Variants in PARM1 observed in about 807,000 individuals in gnomAD.
The protein encoded by PARM1 is WSC4, cell wall integrity and stress response component 4 homolog.
Under a neutral mutation model 24.6 loss-of-function variants are expected in PARM1, and 14 were observed. The observed-to-expected ratio is 0.57, with a 90% CI of 0.38 to 0.89. PARM1 has a LOEUF of 0.89. Among genes scored for constraint, PARM1 ranks in the 40% least tolerant of loss-of-function variants. The pLI, the probability that PARM1 is intolerant of heterozygous loss-of-function variation, is 0.00. For synonymous variants in PARM1, 179 were observed against 156.6 expected, an observed-to-expected ratio of 1.14 and a Z score of -1.07; for missense variants, 362 against 380.4, an observed-to-expected ratio of 0.95 and a Z score of 0.40.
rs540466346 is a variant in PARM1 at position 74,999,945 on chromosome 4, T to C, written c.44-12480T>C. ...TAAGGTGGAAAAACACAATCATATT[T>C]ATCTGGGTTTTTGTCTTTTTTTTTC... On this transcript the variant is annotated intron_variant, in intron 1 of 3. Coordinates refer to ENST00000307428, the MANE Select transcript of PARM1 (RefSeq NM_015393.4). 2.6e-5 allele frequency among the ~76,000 whole-genome samples: 4 copies of C among 152,266 alleles called. No homozygotes were observed. In the South Asian group the frequency reaches 8.3e-4, roughly 32 times the overall value.
intron 1 of PARM1, among the ~76,000 whole-genome samples, chr4:75,008,201 C>T (rs1722808733): frequency 6.6e-6 from 1 of 152,172 alleles, no homozygotes; most frequent in African/African-American, 2.4e-5. Flanking sequence ...AGATAACCAA[C>T]ATTGTCATAC....
At chr4:74,974,485 C>T (rs1722101322) in intron 1 of PARM1, among the ~76,000 whole-genome samples, 1 of 152,190 alleles carries the variant, frequency 6.6e-6, no homozygotes, top group South Asian at 2.1e-4. Flanking sequence ...CATTCAAGCT[C>T]AGGAGGCCTG....
intron 2 of PARM1, among the ~76,000 whole-genome samples, chr4:75,025,658 TGA>T (rs1723169501): frequency 6.6e-6 from 1 of 152,028 alleles, no homozygotes. Flanking sequence ...CGTGCCCCCA[TGA>T]GAGAGAAATG....
chr4:74,945,276 A>G (rs72860914), intron 1 of PARM1, among the ~76,000 whole-genome samples: 20,309 of 152,138 alleles, frequency 0.13, 1,832 homozygotes, highest in African/African-American at 0.25. Context: ...TCTCTCTTTC[A>G]TTGCCTGAAC....
intron 1 of PARM1, among the ~76,000 whole-genome samples, chr4:74,998,597 C>T (rs1046124348): frequency 7.9e-5 from 12 of 152,164 alleles, no homozygotes; most frequent in African/African-American, 2.9e-4. Flanking sequence ...ATGAGGAACA[C>T]TTTTTGCAGA....
intron 1 of PARM1, chr4:74,965,311 A>G (rs768012335): frequency 2.0e-5 from 3 of 152,198 alleles, no homozygotes; most frequent in Non-Finnish European, 2.9e-5. Context: ...CTTTTGCTGA[A>G]CTAGATGATG....
intron 1 of PARM1, chr4:74,998,970 G>T (rs1722627936): frequency 6.6e-6 from 1 of 152,272 alleles, no homozygotes; most frequent in African/African-American, 2.4e-5. Context: ...CCCAATCCTA[G>T]TTTTAAAAAT....
chr4:74,963,332 C>T (rs147107503), intron 1 of PARM1, among the ~76,000 whole-genome samples: 65 of 152,214 alleles, frequency 4.3e-4, no homozygotes, highest in African/African-American at 1.5e-3. Context: ...ATTCAACATA[C>T]GATTCAAACA....
chr4:74,981,156 A>G lies in PARM1; in HGVS notation c.44-31269A>G, dbSNP rs968434899. ...GAGCTTCTGCACAGCAAAAGAAACT[A>G]TCATCAGAATGAACAGACAACTTAC... On this transcript the variant is annotated intron_variant, in intron 1 of 3. Coordinates refer to ENST00000307428, the MANE Select transcript of PARM1 (RefSeq NM_015393.4). Among the ~76,000 whole-genome samples, 8 of 152,340 alleles carry G rather than the reference A, an allele frequency of 5.3e-5. No individual in the cohort carries two copies. In the East Asian group the frequency reaches 7.7e-4, roughly 15 times the overall value.
intron 1 of PARM1, among the ~76,000 whole-genome samples, chr4:74,943,345 A>T (rs555248689): frequency 6.6e-6 from 1 of 152,290 alleles, no homozygotes; most frequent in East Asian, 1.9e-4. Flanking sequence ...GGGTACTAAA[A>T]ATCTATTTGT....
intron 3 of PARM1, among the ~76,000 whole-genome samples, chr4:75,039,199 C>T (rs1248351366): frequency 1.3e-5 from 2 of 152,156 alleles, no homozygotes; most frequent in East Asian, 3.9e-4. Flanking sequence ...GGTTCTTAAA[C>T]TTTAATGTGC....
chr4:75,012,364 T>C, intron 1 of PARM1, 61 bp from the exon 2 acceptor site: 1 of 1,547,958 alleles, frequency 6.5e-7, no homozygotes. Context: ...AAGCCTTGCC[T>C]CTATTTCACA....
At chr4:75,044,449 G>C (rs990368296) in intron 3 of PARM1, among the ~76,000 whole-genome samples, 19 of 152,232 alleles carry the variant, frequency 1.2e-4, no homozygotes, top group African/African-American at 4.6e-4. Context: ...TCCAATCACT[G>C]TTTCTTTCAT....
rs1560791708 is a variant in PARM1 at position 75,012,601 on chromosome 4, A to G, written c.220A>G (p.Thr74Ala). The change falls in exon 2 of 4, where the codon ACA (threonine) becomes GCA (alanine). Residue 74 changes from threonine to alanine, a missense_variant. Coordinates refer to ENST00000307428, the MANE Select transcript of PARM1 (RefSeq NM_015393.4). Reference sequence around the variant, plus strand: ...GCTCCCAGTTACAGCATCAGCCCCAACATCTCTGCTTCCTAAGAACATTTC... The same window carrying G: ...GCTCCCAGTTACAGCATCAGCCCCAGCATCTCTGCTTCCTAAGAACATTTC... ...SVLPVTASAP[T>A]SLLPKNISIE... The G allele has an allele frequency of 6.2e-7, 1 of 1,613,912 alleles. No homozygotes were observed. Among genetic ancestry groups the G allele is most frequent in the Admixed American group, 1.7e-5 (1 of 60,020 alleles).
At chr4:74,949,281 C>T (rs1721471298) in intron 1 of PARM1, among the ~76,000 whole-genome samples, 1 of 152,130 alleles carries the variant, frequency 6.6e-6, no homozygotes, top group African/African-American at 2.4e-5. Context: ...TGGTTTTGTA[C>T]TTAGTAAGAA....
intron 3 of PARM1, 101 bp from the exon 4 acceptor site, chr4:75,046,062 C>T (rs375286766): frequency 1.2e-5 from 9 of 733,062 alleles, no homozygotes; most frequent in East Asian, 8.0e-5. Context: ...TTTCCCTCTC[C>T]CTGGCCCCAT....
In PARM1 at chr4:75,012,896, C is replaced by T. The variant is rs1357852163; in HGVS notation, c.515C>T (p.Ser172Phe). The T allele has an allele frequency of 1.2e-6, 2 of 1,614,010 alleles. No homozygotes were observed. The highest frequency in any genetic ancestry group is 2.2e-5 in the East Asian group (1 of 44,872). The change falls in exon 2 of 4, where the codon TCC becomes TTC. Residue 172 changes from serine (S) to phenylalanine (F), a missense_variant. By Grantham distance (155) the Ser-to-Phe change is radical. Transcript: ENST00000307428. ...TCACCACCTGAGGTCTTTTCTGCCT[C>T]CGTTACTACCAACCATAGCTCCACT... ...STSPPEVFSA[S>F]VTTNHSSTVT...
Position 74,964,773 on chromosome 4 carries a change from A to G in PARM1, c.43+31403A>G, listed in dbSNP as rs186563134. 1.8e-4 allele frequency among the ~76,000 whole-genome samples: 27 copies of G among 152,340 alleles called. 1 individual carries two copies. Among genetic ancestry groups the G allele is most frequent in the African/African-American group, 4.6e-4 (19 of 41,588 alleles). On this transcript the variant is annotated intron_variant, in intron 1 of 3. Coordinates refer to ENST00000307428, the MANE Select transcript of PARM1 (RefSeq NM_015393.4). The stretch of plus-strand genomic sequence containing the variant: ...TAGTAAATATCTGTTGAATTAAAAC[A>G]TAAGTAAATAAAAGAAAAACTCTAT...
At position 75,010,172 on chromosome 4, in the gene PARM1, T is replaced by G. The variant is rs185495945; in HGVS notation, c.44-2253T>G. On this transcript the variant is annotated intron_variant, in intron 1 of 3. Coordinates refer to ENST00000307428, the MANE Select transcript of PARM1 (RefSeq NM_015393.4). ...ACATACAGTGGAATATTATTCAGCC[T>G]TAAAAAGGAAGTAAATTCTGCCACA... Among the ~76,000 whole-genome samples the G allele has an allele frequency of 1.3e-4, 20 of 152,308 alleles. No homozygotes were observed. The East Asian group carries it at 3.1e-3, about 23-fold the overall frequency.
Sources: gnomAD v4.1 joint callset for allele counts (sites outside exome capture counted in the v4.1 genomes callset) on GRCh38, gnomAD v4.1.1 for gene constraint, MANE v1.5 for transcripts, NCBI Gene and HGNC (gene_info 2026-07-23, HGNC 2026-07-21) for gene names.